Variants in PHACTR1 observed in about 807,000 individuals in gnomAD.
The protein encoded by PHACTR1 is RPEL repeat containing 1.
A neutral mutation model predicts 69.2 loss-of-function variants in PHACTR1; 16 were observed. The observed-to-expected ratio is 0.23, with a 90% CI of 0.16 to 0.35. The LOEUF is 0.35. Among genes scored for constraint, PHACTR1 ranks in the 10% least tolerant of loss-of-function variants. The pLI, the probability that PHACTR1 is intolerant of heterozygous loss-of-function variation, is 1.00. For missense variants in PHACTR1, 510 were observed against 734.7 expected (o/e 0.69, Z 3.54); for synonymous variants, 312 against 284.5 (o/e 1.10, Z -0.97).
In PHACTR1 at chr6:13,283,634, G is replaced by GAGCGT; in HGVS notation, c.1650+73_1650+77dup. 1 of 1,609,618 alleles carries GAGCGT rather than the reference G, an allele frequency of 6.2e-7. No homozygotes were observed. Among genetic ancestry groups the GAGCGT allele is most frequent in the Non-Finnish European group, 8.5e-7 (1 of 1,178,112 alleles). ...GGGTCTCGCTGGGCTCACCGCTGGG[G>GAGCGT]AGCGTGTAGGGAGACCTGCAGCCAG... On this transcript the variant is annotated intron_variant, in intron 13 of 14. Transcript: ENST00000332995. This position sits in a 1 kb window ranked among gnomAD's most constrained non-coding sequence, Gnocchi z 4.7.
At chr6:12,847,301 GTAGA>G (rs1163180348) in intron 4 of PHACTR1, among the ~76,000 whole-genome samples, 13 of 152,092 alleles carry the variant, frequency 8.5e-5, no homozygotes. Context: ...AGGTAGGTAG[GTAGA>G]TAGATACGGA....
intron 5 of PHACTR1, among the ~76,000 whole-genome samples, chr6:13,109,610 CATTTTCTTT>C (rs1486879052): frequency 1.3e-5 from 2 of 151,950 alleles, no homozygotes; most frequent in African/African-American, 4.8e-5. Flanking sequence ...GCATTGGAGT[CATTTTCTTT>C]ACATGTATCC....
At chr6:13,132,518 T>G (rs1561874860) in intron 5 of PHACTR1, among the ~76,000 whole-genome samples, 1 of 152,146 alleles carries the variant, frequency 6.6e-6, no homozygotes, top group African/African-American at 2.4e-5. Context: ...TGTGACATAG[T>G]GATGGTGATT....
At chr6:13,209,728 C>G (rs945091567) in intron 8 of PHACTR1, among the ~76,000 whole-genome samples, 19 of 152,368 alleles carry the variant, frequency 1.2e-4, no homozygotes, top group Middle Eastern at 3.4e-3. Context: ...TCTGCTCCAA[C>G]AGGACGTTCC....
At chr6:13,239,116 G>T (rs748621928) in intron 10 of PHACTR1, among the ~76,000 whole-genome samples, 1 of 152,146 alleles carries the variant, frequency 6.6e-6, no homozygotes, top group Non-Finnish European at 1.5e-5. Flanking sequence ...CCTGGTATTC[G>T]CTCATCTTCA....
chr6:13,102,639 G>C (rs953877138), intron 5 of PHACTR1, among the ~76,000 whole-genome samples: 3 of 152,080 alleles, frequency 2.0e-5, no homozygotes, highest in African/African-American at 7.2e-5. Context: ...TCTCTTTTAG[G>C]TACCTAGGTA....
chr6:12,941,788 A>G (rs1790089711), intron 4 of PHACTR1, among the ~76,000 whole-genome samples: 1 of 152,218 alleles, frequency 6.6e-6, no homozygotes, highest in Non-Finnish European at 1.5e-5. Context: ...GCAAAAGTAT[A>G]TGCAACCTGA....
chr6:13,211,358 T>G (rs1037905017), intron 8 of PHACTR1, among the ~76,000 whole-genome samples: 9 of 152,092 alleles, frequency 5.9e-5, no homozygotes, highest in Admixed American at 1.3e-4. Flanking sequence ...TGTTTTTATT[T>G]TTAATATCTG....
At chr6:12,855,870 C>T (rs1366222922) in intron 4 of PHACTR1, among the ~76,000 whole-genome samples, 4 of 152,052 alleles carry the variant, frequency 2.6e-5, no homozygotes, top group Non-Finnish European at 4.4e-5. Context: ...ACAGTATTAC[C>T]TGAGAATAAA....
chr6:12,968,791 C>T (rs1793801025), intron 4 of PHACTR1, among the ~76,000 whole-genome samples: 1 of 152,170 alleles, frequency 6.6e-6, no homozygotes, highest in Non-Finnish European at 1.5e-5. Flanking sequence ...AATCATGAAA[C>T]TAGAGTTCAA....
intron 4 of PHACTR1, among the ~76,000 whole-genome samples, chr6:12,846,723 G>A (rs75874138): frequency 0.015 from 2,141 of 144,950 alleles, 47 homozygotes; most frequent in South Asian, 0.053. Context: ...TGCTTCTTTC[G>A]TCCTTTTTTT....
rs145748322 is a variant in PHACTR1 at position 13,128,128 on chromosome 6, A to C, written c.416-32076A>C. Among the ~76,000 whole-genome samples the C allele has an allele frequency of 1.7e-3, 24 of 14,112 alleles. No individual in the cohort carries two copies. In the East Asian group the frequency reaches 0.032, roughly 19 times the overall value. 9.3% of individuals were successfully genotyped at this position (14,112 alleles called of 152,430 possible). A position where few individuals can be genotyped will look rare whatever the true frequency, so the allele number is the denominator to read the frequency against. On this transcript the variant is annotated intron_variant, in intron 5 of 14. Transcript: ENST00000332995. ...ATTATGGGAATTACAATTCAAGATG[A>C]GATTTGGGTGGGGACACAACAAAAC...
At chr6:13,045,279 A>G (rs1233023869) in intron 4 of PHACTR1, among the ~76,000 whole-genome samples, 1 of 152,246 alleles carries the variant, frequency 6.6e-6, no homozygotes, top group African/African-American at 2.4e-5. Flanking sequence ...TTTGAGGATT[A>G]TATAAGGTAA....
chr6:12,723,141 T>C (rs1762334791), intron 3 of PHACTR1, among the ~76,000 whole-genome samples: 1 of 152,164 alleles, frequency 6.6e-6, no homozygotes, highest in South Asian at 2.1e-4. Context: ...CTTAGGTCTC[T>C]TCCTAAGCCA....
chr6:12,746,289 T>A (rs1200803273), intron 3 of PHACTR1, among the ~76,000 whole-genome samples: 1 of 152,170 alleles, frequency 6.6e-6, no homozygotes, highest in African/African-American at 2.4e-5. Context: ...ATGCCAACAC[T>A]TTGGGAGGCT....
At chr6:12,749,376 G>A in intron 3 of PHACTR1, 1 of 531,364 alleles carries the variant, frequency 1.9e-6, no homozygotes, top group Non-Finnish European at 3.7e-6. Flanking sequence ...AGCCCCGGGC[G>A]CCAGCCAGGG....
rs9381636 is a variant in PHACTR1, at chr6:13,025,957, T to A, written c.251-27408T>A. Among the ~76,000 whole-genome samples, 4 of 152,014 alleles carry A rather than the reference T, an allele frequency of 2.6e-5. 1 individual carries two copies. In the South Asian group the frequency reaches 8.3e-4, roughly 32 times the overall value. On this transcript the variant is annotated intron_variant, in intron 4 of 14. Transcript: ENST00000332995. Reference sequence around the variant, plus strand: ...TCCCTGTGCTCTCCTCTTAACATTGTTGATGGTTCCAAAATGCACCCCTGG... The same window carrying A: ...TCCCTGTGCTCTCCTCTTAACATTGATGATGGTTCCAAAATGCACCCCTGG...
chr6:12,778,784 G>A (rs1371905612), intron 4 of PHACTR1, among the ~76,000 whole-genome samples: 4 of 152,146 alleles, frequency 2.6e-5, no homozygotes, highest in African/African-American at 9.7e-5. Context: ...ACAAATTTTT[G>A]AAATTCAATG....
intron 4 of PHACTR1, among the ~76,000 whole-genome samples, chr6:12,905,243 C>T (rs913982162): frequency 6.6e-6 from 1 of 152,180 alleles, no homozygotes; most frequent in African/African-American, 2.4e-5. Context: ...CCAGTGTCCT[C>T]ATAGGAAGTC....
Sources: allele counts gnomAD v4.1 joint callset (sites outside exome capture counted in the v4.1 genomes callset), GRCh38; gene constraint gnomAD v4.1.1; non-coding constraint Gnocchi (gnomAD v3.1); transcripts MANE v1.5; gene names NCBI Gene and HGNC (gene_info 2026-07-23, HGNC 2026-07-21).